Variants in KIF25 observed in about 807,000 individuals in gnomAD.
KIF25 encodes the protein kinesin-like protein KIF25.
KIF25 carries 19 observed loss-of-function variants against 32.9 expected under a neutral mutation model. That is an observed-to-expected ratio of 0.58 (90% CI 0.40 to 0.85). KIF25 has a LOEUF of 0.85. Among genes scored for constraint, KIF25 ranks in the 40% least tolerant of loss-of-function variants. The pLI, the probability that KIF25 is intolerant of heterozygous loss-of-function variation, is 0.00. For synonymous variants in KIF25, 225 were observed against 213.7 expected, an observed-to-expected ratio of 1.05 and a Z score of -0.46; for missense variants, 485 against 507.0, an observed-to-expected ratio of 0.96 and a Z score of 0.42.
chr6:168,038,779 C>G, intron 9 of KIF25, 50 bp downstream of exon 9: 1 of 1,569,830 alleles, frequency 6.4e-7, no homozygotes, highest in Non-Finnish European at 8.7e-7. Flanking sequence ...GAGAATGGCA[C>G]CTGCCCCTCC....
At chr6:168,007,171 G>A (rs1056581842) in intron 4 of KIF25, among the ~76,000 whole-genome samples, 2 of 152,150 alleles carry the variant, frequency 1.3e-5, no homozygotes, top group Non-Finnish European at 2.9e-5. Context: ...AGCACTTTGG[G>A]AGGCCAAGGC....
In KIF25 at chr6:168,007,176, C is replaced by G. The variant is rs192916761; in HGVS notation, c.-163+3473C>G. On this transcript the variant is annotated intron_variant, in intron 4 of 12. Coordinates refer to ENST00000643607, the MANE Select transcript of KIF25 (RefSeq NM_030615.4). ...TTGTAATCCTAGCACTTTGGGAGGC[C>G]AAGGCAGATGGATCACCTGAGGCCA... Among the ~76,000 whole-genome samples the G allele has an allele frequency of 4.6e-3, 696 of 152,132 alleles. 3 individuals carry two copies. Among genetic ancestry groups the G allele is most frequent in the Middle Eastern group, 0.017 (5 of 294 alleles).
In KIF25 at chr6:168,034,006, C is replaced by T. The variant is rs980070314; in HGVS notation, c.292C>T (p.Pro98Ser). ...LDPQSDLGII[P>S]RVAEELFRLI... ...CCCACAGAGTGACTTAGGAATTATC[C>T]CTAGAGTGGCTGAGGAGCTCTTCAG... is the stretch of plus-strand genomic sequence containing the variant. The change falls in exon 8 of 13, where the codon CCT becomes TCT. Residue 98 changes from proline (P) to serine (S), a missense_variant. Coordinates refer to ENST00000643607, the MANE Select transcript of KIF25 (RefSeq NM_030615.4). The T allele has an allele frequency of 1.2e-6, 2 of 1,614,108 alleles. No homozygotes were observed. The highest frequency in any genetic ancestry group is 1.7e-6 in the Non-Finnish European group (2 of 1,180,024).
At chr6:168,019,408 G>A (rs1033853365) in intron 5 of KIF25, among the ~76,000 whole-genome samples, 3 of 152,142 alleles carry the variant, frequency 2.0e-5, no homozygotes, top group Non-Finnish European at 4.4e-5. Flanking sequence ...ATGTAAACAC[G>A]TTGAGTGGAG....
At chr6:168,020,803 A>C (rs1055864881) in intron 5 of KIF25, among the ~76,000 whole-genome samples, 2 of 152,244 alleles carry the variant, frequency 1.3e-5, no homozygotes, top group Admixed American at 6.5e-5. Flanking sequence ...AAAGGGAAAG[A>C]GGATTTAAAA....
At chr6:168,028,452 T>C (rs573368324) in intron 5 of KIF25, among the ~76,000 whole-genome samples, 1 of 152,354 alleles carries the variant, frequency 6.6e-6, no homozygotes, top group Admixed American at 6.5e-5. Flanking sequence ...TCCTTCGGCC[T>C]ACTTACTAAT....
chr6:168,001,114 G>A (rs975620195), intron 2 of KIF25, among the ~76,000 whole-genome samples: 12 of 152,218 alleles, frequency 7.9e-5, no homozygotes, highest in African/African-American at 2.9e-4. Context: ...CTGGAAATTG[G>A]GCCTGTCGGA....
intron 4 of KIF25, among the ~76,000 whole-genome samples, chr6:168,004,591 G>A (rs1798552705): frequency 6.6e-6 from 1 of 152,156 alleles, no homozygotes; most frequent in South Asian, 2.1e-4. Flanking sequence ...TGATAAAACT[G>A]GAAAACCATC....
rs527429908 is a variant in KIF25, at chr6:168,005,099, T to A, written c.-163+1396T>A. On this transcript the variant is annotated intron_variant, in intron 4 of 12. Transcript: ENST00000643607. ...GAGCCTGGTGTGCACGAGCCACCTG[T>A]CACAGGCGAGCTTGGCGTGCACGAG... 1.8e-4 allele frequency among the ~76,000 whole-genome samples: 27 copies of A among 152,186 alleles called. No individual in the cohort carries two copies. In the South Asian group the frequency reaches 4.4e-3, roughly 25 times the overall value.
Position 167,998,154 on chromosome 6 carries a change from G to A in KIF25, c.-1315G>A, listed in dbSNP as rs1352871368. Reference sequence around the variant, plus strand: ...CTGGCACTTCAGAAAGTCTCACTACGCTGCAGCTTTTTTTTTTTTTAATCT... The same window carrying A: ...CTGGCACTTCAGAAAGTCTCACTACACTGCAGCTTTTTTTTTTTTTAATCT... On this transcript the variant is annotated 5_prime_UTR_variant, in exon 1 of 13. Transcript: ENST00000643607. 3 of 151,552 alleles carry A rather than the reference G, an allele frequency of 2.0e-5. No homozygotes were observed. Among genetic ancestry groups the A allele is most frequent in the African/African-American group, 2.4e-5 (1 of 41,162 alleles). The allele number at this position is 151,552 out of a possible 1,614,324, so 9.4% of individuals were successfully genotyped here. A position where few individuals can be genotyped will look rare whatever the true frequency, so the allele number is the denominator to read the frequency against.
intron 3 of KIF25, among the ~76,000 whole-genome samples, chr6:168,003,170 C>A (rs2258963): frequency 6.6e-6 from 1 of 151,932 alleles, no homozygotes; most frequent in African/African-American, 2.4e-5. Flanking sequence ...GATATTTAAG[C>A]GTTCTTACTG....
At chr6:168,038,323 T>C (rs546480311) in intron 8 of KIF25, among the ~76,000 whole-genome samples, 7 of 152,222 alleles carry the variant, frequency 4.6e-5, no homozygotes, top group African/African-American at 1.7e-4. Flanking sequence ...AGTGTTGGTT[T>C]AAATATAACT....
In KIF25 at chr6:168,042,169, T is replaced by C. The variant is rs1364480953; in HGVS notation, c.829+18T>C. On this transcript the variant is annotated intron_variant, in intron 11 of 12. Coordinates refer to ENST00000643607, the MANE Select transcript of KIF25 (RefSeq NM_030615.4). Reference sequence around the variant, plus strand: ...GTGCGTTGGTGAGCAGGGGCAGGCATTTCCCTGGGGGGTGGGTGCTGCAGA... The same window carrying C: ...GTGCGTTGGTGAGCAGGGGCAGGCACTTCCCTGGGGGGTGGGTGCTGCAGA... 6.5e-7 allele frequency: 1 copy of C among 1,544,948 alleles called. No individual in the cohort carries two copies. The highest frequency in any genetic ancestry group is 2.4e-5 in the East Asian group (1 of 40,830).
chr6:168,036,514 G>A (rs1212223380), intron 8 of KIF25, among the ~76,000 whole-genome samples: 3 of 152,240 alleles, frequency 2.0e-5, no homozygotes, highest in Non-Finnish European at 2.9e-5. Flanking sequence ...TCAACACTTT[G>A]CTTCTTAAAG....
intron 11 of KIF25, 99 bp from the exon 12 acceptor site, chr6:168,042,461 CT>C: frequency 6.9e-7 from 1 of 1,455,546 alleles, no homozygotes; most frequent in Non-Finnish European, 9.4e-7. Context: ...ATGGCCTCCC[CT>C]CTACCTGCCT....
intron 8 of KIF25, chr6:168,035,603 T>A (rs1799012221): frequency 2.3e-6 from 1 of 432,660 alleles, no homozygotes; most frequent in South Asian, 1.6e-5. Context: ...GCCAGGCGGC[T>A]GCGCCTCTCC....
chr6:168,004,324 G>A lies in KIF25; in HGVS notation c.-163+621G>A, dbSNP rs1014854685. 7.9e-5 allele frequency among the ~76,000 whole-genome samples: 12 copies of A among 152,218 alleles called. No homozygotes were observed. The South Asian group carries it at 1.0e-3, about 13-fold the overall frequency. On this transcript the variant is annotated intron_variant, in intron 4 of 12. Transcript: ENST00000643607. ...AGCCCACGGCAGGCACTCCCTCAAC[G>A]CGGGATAGAAGCCTGGGGATTAAGG...
At position 168,000,753 on chromosome 6, in the gene KIF25, A is replaced by T. The variant is rs553196992; in HGVS notation, c.-370+1433A>T. On this transcript the variant is annotated intron_variant, in intron 2 of 12. Coordinates refer to ENST00000643607, the MANE Select transcript of KIF25 (RefSeq NM_030615.4). The stretch of plus-strand genomic sequence containing the variant: ...TGCGCTTCCCGGCTGTCCCAACGCC[A>T]TATGGGGTTGGCCGTATGCACCAGT... Among the ~76,000 whole-genome samples the T allele has an allele frequency of 2.0e-5, 3 of 152,158 alleles. No individual in the cohort carries two copies. The South Asian group carries it at 6.2e-4, about 32-fold the overall frequency.
intron 10 of KIF25, among the ~76,000 whole-genome samples, chr6:168,041,115 C>A (rs1799112654): frequency 6.6e-6 from 1 of 152,216 alleles, no homozygotes; most frequent in Non-Finnish European, 1.5e-5. Context: ...GACTGTAGTC[C>A]CATCAAAACC....
Sources: allele counts gnomAD v4.1 joint callset (sites outside exome capture counted in the v4.1 genomes callset), GRCh38; gene constraint gnomAD v4.1.1; transcripts MANE v1.5; gene names NCBI Gene and HGNC (gene_info 2026-07-23, HGNC 2026-07-21).